FLT4: variants seen among roughly 807,000 people sequenced by gnomAD.
FLT4 encodes the protein fms related receptor tyrosine kinase 4.
A neutral mutation model predicts 163.2 loss-of-function variants in FLT4; 30 were observed. That is an observed-to-expected ratio of 0.18 (90% CI 0.14 to 0.25). The LOEUF is 0.25. Ranked by LOEUF, FLT4 falls within the 10% of genes least tolerant of loss-of-function variation. FLT4 has a pLI of 1.00. For synonymous variants in FLT4, 884 were observed against 789.5 expected, an observed-to-expected ratio of 1.12 and a Z score of -2.01; for missense variants, 1,510 against 1,863.8, an observed-to-expected ratio of 0.81 and a Z score of 3.50.
In FLT4 at chr5:180,602,794, T is replaced by G. The variant is rs565170543; in HGVS notation, c.*398A>C. 1.5e-5 allele frequency: 8 copies of G among 541,590 alleles called. No homozygotes were observed. In the East Asian group the frequency reaches 1.7e-4, roughly 12 times the overall value. The allele number at this position is 541,590 out of a possible 1,614,324, so 33.5% of individuals were successfully genotyped here. A position where few individuals can be genotyped will look rare whatever the true frequency, so the allele number is the denominator to read the frequency against. ...ACCTCTGCTCTCGTATGCCTTAACC[T>G]CCAACACTGTGTGACTCCCAGACCC... On this transcript the variant is annotated 3_prime_UTR_variant, in exon 30 of 30. Transcript: ENST00000261937.
At chr5:180,647,320 A>G (rs1440981438) in intron 1 of FLT4, among the ~76,000 whole-genome samples, 1 of 151,380 alleles carries the variant, frequency 6.6e-6, no homozygotes, top group Non-Finnish European at 1.5e-5. Context: ...AACCCACACA[A>G]CCTCGGGGCT....
Position 180,630,070 on chromosome 5 carries a change from C to T in FLT4, c.549G>A (p.Val183=), listed in dbSNP as rs1763968600. 8.1e-6 allele frequency: 13 copies of T among 1,612,792 alleles called. No individual in the cohort carries two copies. Among genetic ancestry groups the T allele is most frequent in the Non-Finnish European group, 1.0e-5 (12 of 1,180,008 alleles). Residue 183 remains valine, a synonymous_variant, in exon 5 of 30, where the codon GTG becomes GTA. Coordinates refer to ENST00000261937, the MANE Select transcript of FLT4 (RefSeq NM_182925.5). The surrounding 1 kb of genome is among the most constrained non-coding windows in gnomAD (Gnocchi z 6.3). The part of the protein sequence containing the change: ...SSVLWPDGQE[V]VWDDRRGMLV... ...GCATGCCCCGCCGGTCATCCCACACCACCTCCTGCCCGTCTGGCCACAGCA... is the reference window on the plus strand; with the variant it reads ...GCATGCCCCGCCGGTCATCCCACACTACCTCCTGCCCGTCTGGCCACAGCA...
Position 180,645,051 on chromosome 5 carries a change from G to A in FLT4, c.58+4437C>T, listed in dbSNP as rs572080823. Among the ~76,000 whole-genome samples, 8 of 152,316 alleles carry A rather than the reference G, an allele frequency of 5.3e-5. No homozygotes were observed. The East Asian group carries it at 9.7e-4, about 18-fold the overall frequency. The stretch of plus-strand genomic sequence containing the variant: ...CAGTGGGTGGAGGCTGGGTGGACGC[G>A]GGGCTAGGGATGGCCTGGGACTCCA... On this transcript the variant is annotated intron_variant, in intron 1 of 29. Transcript: ENST00000261937.
chr5:180,621,976 G>T lies in FLT4; in HGVS notation c.1658-72C>A, dbSNP rs567325297. Reference sequence around the variant, plus strand: ...TCCCCCATCCACCTGCCGCCCCGGGGTCTCCTCCTGCCTCCCTCCCTCCCT... The same window carrying T: ...TCCCCCATCCACCTGCCGCCCCGGGTTCTCCTCCTGCCTCCCTCCCTCCCT... On this transcript the variant is annotated intron_variant, in intron 12 of 29. Coordinates refer to ENST00000261937, the MANE Select transcript of FLT4 (RefSeq NM_182925.5). 3.3e-3 allele frequency: 5,064 copies of T among 1,548,632 alleles called. 12 individuals are homozygous for T. Among genetic ancestry groups the T allele is most frequent in the Non-Finnish European group, 4.1e-3 (4,715 of 1,152,716 alleles).
chr5:180,615,786 C>T lies in FLT4; in HGVS notation c.3219+581G>A, dbSNP rs113739414. ...TTCCTTTCGGAGCACTGGGCCCCGC[C>T]GGTCACCTCCCTTCTCCACTTCCTT... On this transcript the variant is annotated intron_variant, in intron 23 of 29. Transcript: ENST00000261937. Among the ~76,000 whole-genome samples, 42 of 11,386 alleles carry T rather than the reference C, an allele frequency of 3.7e-3. 7 individuals carry two copies. Among genetic ancestry groups the T allele is most frequent in the South Asian group, 0.015 (2 of 130 alleles). 7.5% of individuals were successfully genotyped at this position (11,386 alleles called of 152,430 possible).
intron 27 of FLT4, among the ~76,000 whole-genome samples, chr5:180,610,431 G>A (rs886964395): frequency 2.0e-5 from 3 of 152,244 alleles, no homozygotes; most frequent in Non-Finnish European, 4.4e-5. Context: ...GAAGGAGCCT[G>A]GCAGAATCCA....
rs546168976 is a variant in FLT4 at position 180,624,447 on chromosome 5, C to T, written c.1422-386G>A. 1.6e-4 allele frequency among the ~76,000 whole-genome samples: 24 copies of T among 152,238 alleles called. 1 individual carries two copies. The highest frequency in any genetic ancestry group is 5.1e-4 in the African/African-American group (21 of 41,544). ...TTTCTCCATGTTGGTCAGCTGGTCT[C>T]GAACTCCTGACCTCAGGTGATTGGT... On this transcript the variant is annotated intron_variant, in intron 10 of 29. Coordinates refer to ENST00000261937, the MANE Select transcript of FLT4 (RefSeq NM_182925.5).
chr5:180,609,692 G>C, intron 28 of FLT4: 2 of 572,894 alleles, frequency 3.5e-6, no homozygotes, highest in Non-Finnish European at 3.1e-6. Context: ...GGGAGGCCTC[G>C]TGTGGGGGTG....
In FLT4 at chr5:180,630,545, C is replaced by A; in HGVS notation, c.400+10G>T. 14 of 1,612,746 alleles carry A rather than the reference C, an allele frequency of 8.7e-6. No individual in the cohort carries two copies. The highest frequency in any genetic ancestry group is 1.2e-5 in the Non-Finnish European group (14 of 1,179,920). On this transcript the variant is annotated intron_variant, in intron 3 of 29. Coordinates refer to ENST00000261937, the MANE Select transcript of FLT4 (RefSeq NM_182925.5). The surrounding 1 kb of genome is among the most constrained non-coding windows in gnomAD (Gnocchi z 6.3). ...ACCCTGCTCCAGCCTGGCCCGCCTCCAAGTCTCACCTCTCACGAACACGTA... is the reference window on the plus strand; with the variant it reads ...ACCCTGCTCCAGCCTGGCCCGCCTCAAAGTCTCACCTCTCACGAACACGTA...
At chr5:180,638,765 A>G (rs1764873477) in intron 1 of FLT4, among the ~76,000 whole-genome samples, 1 of 151,938 alleles carries the variant, frequency 6.6e-6, no homozygotes, top group Non-Finnish European at 1.5e-5. Context: ...ACCCCTACAA[A>G]ATGGCTCCAT....
chr5:180,640,222 C>T lies in FLT4; in HGVS notation c.59-8444G>A, dbSNP rs962167663. Among the ~76,000 whole-genome samples the T allele has an allele frequency of 2.6e-5, 4 of 152,150 alleles. No homozygotes were observed. The South Asian group carries it at 6.2e-4, about 24-fold the overall frequency. On this transcript the variant is annotated intron_variant, in intron 1 of 29. Coordinates refer to ENST00000261937, the MANE Select transcript of FLT4 (RefSeq NM_182925.5). The stretch of plus-strand genomic sequence containing the variant: ...GCGAGCGAGGTGGGGGGCAGCCGGC[C>T]GGCTGCGACTGCCTCATTTGATCCT...
chr5:180,645,323 C>G (rs1411471806), intron 1 of FLT4, among the ~76,000 whole-genome samples: 2 of 152,216 alleles, frequency 1.3e-5, no homozygotes, highest in African/African-American at 4.8e-5. Context: ...TGCTAAGCTC[C>G]CAGCACACGG....
chr5:180,622,331 C>T (rs1192817794), intron 12 of FLT4, among the ~76,000 whole-genome samples: 1 of 152,082 alleles, frequency 6.6e-6, no homozygotes, highest in African/African-American at 2.4e-5. Context: ...GACCCAGTGA[C>T]GTCTGCTCCT....
rs779664960 is a variant in FLT4 at position 180,608,207 on chromosome 5, A to G, written c.3893+761T>C. The G allele has an allele frequency of 3.3e-5, 23 of 700,726 alleles. No individual in the cohort carries two copies. In the Middle Eastern group the frequency reaches 1.1e-3, roughly 33 times the overall value. 43.4% of individuals were successfully genotyped at this position (700,726 alleles called of 1,614,324 possible). On this transcript the variant is annotated intron_variant, in intron 29 of 29. Coordinates refer to ENST00000261937, the MANE Select transcript of FLT4 (RefSeq NM_182925.5). Reference sequence around the variant, plus strand: ...CAGTAGAAGAAATAGCGAAAGTCTTAAAGTCTTTGATCTTTCTTATAAGTG... The same window carrying G: ...CAGTAGAAGAAATAGCGAAAGTCTTGAAGTCTTTGATCTTTCTTATAAGTG...
intron 28 of FLT4, chr5:180,609,422 G>A (rs1762006115): frequency 7.3e-6 from 3 of 412,116 alleles, no homozygotes; most frequent in Non-Finnish European, 1.4e-5. Context: ...GCTGCCTCCC[G>A]GTTTGGGGGG....
intron 29 of FLT4, among the ~76,000 whole-genome samples, chr5:180,603,880 G>A (rs572848663): frequency 2.5e-4 from 38 of 150,648 alleles, no homozygotes; most frequent in Non-Finnish European, 3.1e-4. Flanking sequence ...CTCCAGCCTG[G>A]GCGACAGAGT....
intron 29 of FLT4, among the ~76,000 whole-genome samples, chr5:180,606,908 A>AAC (rs1561687664): frequency 1.0e-4 from 13 of 128,036 alleles, no homozygotes; most frequent in East Asian, 2.5e-4. Flanking sequence ...AAAAAAAAAA[A>AAC]AAAAAAACAA....
chr5:180,610,141 G>A (rs1373602083), intron 27 of FLT4, 116 bp from the exon 28 acceptor site: 2 of 1,465,736 alleles, frequency 1.4e-6, no homozygotes, highest in Non-Finnish European at 1.9e-6. Flanking sequence ...CCTGGGGCAG[G>A]AGTATGGATG....
rs2127822043 is a variant in FLT4, at chr5:180,623,880, C to G, written c.1548+55G>C. On this transcript the variant is annotated intron_variant, in intron 11 of 29. Coordinates refer to ENST00000261937, the MANE Select transcript of FLT4 (RefSeq NM_182925.5). This position sits in a 1 kb window ranked among gnomAD's most constrained non-coding sequence, Gnocchi z 5.8. Reference sequence around the variant, plus strand: ...GGAAACCACATGGCAGTAATGGCCTCTCTCTCCTCCCTTCTCCTTCTCCCT... The same window carrying G: ...GGAAACCACATGGCAGTAATGGCCTGTCTCTCCTCCCTTCTCCTTCTCCCT... The G allele has an allele frequency of 6.2e-7, 1 of 1,607,554 alleles. No homozygotes were observed. The highest frequency in any genetic ancestry group is 8.5e-7 in the Non-Finnish European group (1 of 1,175,368).
Sources: allele counts gnomAD v4.1 joint callset (sites outside exome capture counted in the v4.1 genomes callset), GRCh38; gene constraint gnomAD v4.1.1; non-coding constraint Gnocchi (gnomAD v3.1); transcripts MANE v1.5; gene names NCBI Gene and HGNC (gene_info 2026-07-23, HGNC 2026-07-21).